CFAP299: variants seen among roughly 807,000 people sequenced by gnomAD.
The protein encoded by CFAP299 is cilia and flagella associated protein 299, also known as cilia- and flagella-associated protein 299.
A neutral mutation model predicts 27.0 loss-of-function variants in CFAP299; 21 were observed. The ratio of observed to expected loss-of-function variants is 0.78; its 90% confidence interval spans 0.55 to 1.12. The LOEUF is 1.12. Among genes scored for constraint, CFAP299 ranks in the 50% most tolerant of loss-of-function variants. CFAP299 has a pLI of 0.00. For synonymous variants in CFAP299, 104 were observed against 98.1 expected (o/e 1.06, Z -0.36); for missense variants, 310 against 276.6 (o/e 1.12, Z -0.86).
rs114876252 is a variant in CFAP299 at position 80,362,769 on chromosome 4, C to T, written c.127C>T (p.Arg43Cys). 5.5e-4 allele frequency: 888 copies of T among 1,604,512 alleles called. 2 individuals are homozygous for T. The African/African-American group carries it at 8.6e-3, about 16-fold the overall frequency. ...TTCTCTCTAGGATGAAACCCTGGCC[C>T]GCCAGTTGGTGGAGCTAGGCTACCG... is the stretch of plus-strand genomic sequence containing the variant. ...LYYLEDETLA[R>C]QLVELGYRGT... Residue 43 changes from arginine (R) to cysteine (C), a missense_variant, in exon 2 of 6, where the codon CGC becomes TGC. Physicochemically the swap from Arg to Cys is radical, Grantham distance 180. Coordinates refer to ENST00000358105, the MANE Select transcript of CFAP299 (RefSeq NM_152770.3).
chr4:80,589,025 G>A (rs1350878249), intron 3 of CFAP299, among the ~76,000 whole-genome samples: 1 of 152,140 alleles, frequency 6.6e-6, no homozygotes, highest in Non-Finnish European at 1.5e-5. Context: ...GTATGCAAAT[G>A]AACAAAATTG....
intron 2 of CFAP299, among the ~76,000 whole-genome samples, chr4:80,380,580 A>G (rs1293958002): frequency 1.3e-5 from 2 of 151,926 alleles, no homozygotes; most frequent in Non-Finnish European, 2.9e-5. Flanking sequence ...GGTGCATGCC[A>G]CCACACCTGG....
intron 4 of CFAP299, among the ~76,000 whole-genome samples, chr4:80,940,501 T>A (rs1737138792): frequency 6.6e-6 from 1 of 152,132 alleles, no homozygotes; most frequent in South Asian, 2.1e-4. Context: ...ATCCTCAAAC[T>A]TTTTTTCCAC....
upstream of CFAP299, among the ~76,000 whole-genome samples, chr4:80,334,527 C>T (rs557534875): frequency 3.5e-4 from 53 of 152,216 alleles, no homozygotes; most frequent in Middle Eastern, 3.4e-3. Flanking sequence ...CCACCCACCT[C>T]GGCCTCCCAA....
At chr4:80,339,839 C>A (rs1371330915) in intron 1 of CFAP299, among the ~76,000 whole-genome samples, 1 of 152,012 alleles carries the variant, frequency 6.6e-6, no homozygotes, top group African/African-American at 2.4e-5. Context: ...AATAAAGGTG[C>A]CTATGACCAC....
At chr4:80,838,032 CT>C (rs1004820571) in intron 3 of CFAP299, among the ~76,000 whole-genome samples, 4 of 152,058 alleles carry the variant, frequency 2.6e-5, no homozygotes, top group Non-Finnish European at 5.9e-5. Flanking sequence ...TGATGATTAG[CT>C]TTTTTTTCCA....
chr4:80,515,598 C>G lies in CFAP299; in HGVS notation c.243-67495C>G, dbSNP rs1024016358. Among the ~76,000 whole-genome samples, 4 of 152,126 alleles carry G rather than the reference C, an allele frequency of 2.6e-5. No homozygotes were observed. The South Asian group carries it at 6.2e-4, about 24-fold the overall frequency. On this transcript the variant is annotated intron_variant, in intron 2 of 5. Coordinates refer to ENST00000358105, the MANE Select transcript of CFAP299 (RefSeq NM_152770.3). The stretch of plus-strand genomic sequence containing the variant: ...GAATTTTACATTTATCTCCAGTGAA[C>G]TTTCCTTCTAGAGTTAAAAGAAAAT...
intron 3 of CFAP299, among the ~76,000 whole-genome samples, chr4:80,782,668 T>C (rs1292967576): frequency 7.8e-6 from 1 of 128,060 alleles, no homozygotes; most frequent in Non-Finnish European, 1.7e-5. Context: ...TATATTCATA[T>C]ATAATATACA....
At chr4:80,875,719 C>T (rs929486002) in intron 4 of CFAP299, among the ~76,000 whole-genome samples, 1 of 151,664 alleles carries the variant, frequency 6.6e-6, no homozygotes, top group Admixed American at 6.6e-5. Flanking sequence ...AATTAAACTG[C>T]AGCTGCTTCC....
chr4:80,816,128 A>T (rs1267381658), intron 3 of CFAP299, among the ~76,000 whole-genome samples: 1 of 152,050 alleles, frequency 6.6e-6, no homozygotes, highest in Non-Finnish European at 1.5e-5. Context: ...GTACATCAAA[A>T]TATGAGAATA....
chr4:80,793,997 G>T (rs1314050342), intron 3 of CFAP299, among the ~76,000 whole-genome samples: 1 of 152,150 alleles, frequency 6.6e-6, no homozygotes, highest in African/African-American at 2.4e-5. Flanking sequence ...TTGTAGTCTT[G>T]TCTGGATTGG....
chr4:80,494,334 AG>A (rs1731323877), intron 2 of CFAP299, among the ~76,000 whole-genome samples: 1 of 152,240 alleles, frequency 6.6e-6, no homozygotes, highest in Admixed American at 6.5e-5. Flanking sequence ...TCACTGTCAA[AG>A]TATGTTAACT....
At chr4:80,355,157 CT>C (rs1723204837) in intron 1 of CFAP299, among the ~76,000 whole-genome samples, 1 of 151,912 alleles carries the variant, frequency 6.6e-6, no homozygotes, top group Non-Finnish European at 1.5e-5. Flanking sequence ...ATAAGTGTTC[CT>C]TTTTTCTCCG....
rs571205593 is a variant in CFAP299 at position 80,861,739 on chromosome 4, G to T, written c.334-8254G>T. Among the ~76,000 whole-genome samples the T allele has an allele frequency of 4.9e-4, 74 of 152,030 alleles. No individual in the cohort carries two copies. In the South Asian group the frequency reaches 0.012, roughly 26 times the overall value. On this transcript the variant is annotated intron_variant, in intron 3 of 5. Transcript: ENST00000358105. ...AAATTTATTTTACACAAAATATTTTGCAAAATGTTATTATTCTAATAAAAA... is the reference window on the plus strand; with the variant it reads ...AAATTTATTTTACACAAAATATTTTTCAAAATGTTATTATTCTAATAAAAA...
chr4:80,340,488 A>T (rs7668482), intron 1 of CFAP299, among the ~76,000 whole-genome samples: 8,533 of 152,150 alleles, frequency 0.056, 710 homozygotes, highest in African/African-American at 0.18. Context: ...TTCCTCTAGG[A>T]GATTCAGGGA....
chr4:80,420,515 G>T (rs1042693155), intron 2 of CFAP299, among the ~76,000 whole-genome samples: 1 of 151,992 alleles, frequency 6.6e-6, no homozygotes, highest in Non-Finnish European at 1.5e-5. Context: ...TCCTACATAC[G>T]GATTAGTGAT....
chr4:80,495,612 G>C (rs189338111), intron 2 of CFAP299, among the ~76,000 whole-genome samples: 1 of 152,114 alleles, frequency 6.6e-6, no homozygotes, highest in Non-Finnish European at 1.5e-5. Flanking sequence ...GATCAGCCTG[G>C]ACAACACAAA....
upstream of CFAP299, among the ~76,000 whole-genome samples, chr4:80,331,095 A>G (rs1316765912): frequency 6.6e-6 from 1 of 152,214 alleles, no homozygotes; most frequent in African/African-American, 2.4e-5. Context: ...CGAGATCTAT[A>G]ATAGGGAGCT....
chr4:80,945,957 C>G (rs554875163), intron 5 of CFAP299, among the ~76,000 whole-genome samples: 1 of 151,868 alleles, frequency 6.6e-6, no homozygotes, highest in Non-Finnish European at 1.5e-5. Flanking sequence ...AGTTTGAGAC[C>G]AGCCTGGCAA....
Sources: gnomAD v4.1 joint callset for allele counts (sites outside exome capture counted in the v4.1 genomes callset) on GRCh38, gnomAD v4.1.1 for gene constraint, MANE v1.5 for transcripts, NCBI Gene and HGNC (gene_info 2026-07-23, HGNC 2026-07-21) for gene names.